Variants in FCRL6 observed in about 807,000 individuals in gnomAD.
FCRL6 encodes Fc receptor like 6, also known as Fc receptor-like protein 6.
A neutral mutation model predicts 49.1 loss-of-function variants in FCRL6; 50 were observed. That is an observed-to-expected ratio of 1.02 (90% CI 0.81 to 1.29). FCRL6 has a LOEUF of 1.29. FCRL6 is among the 50% of genes most tolerant of loss of function. The pLI is 0.00. For missense variants in FCRL6, 571 were observed against 518.5 expected (o/e 1.10, Z -0.98); for synonymous variants, 213 against 199.6 (o/e 1.07, Z -0.57).
At chr1:159,806,952 T>TC (rs1004787002) in intron 2 of FCRL6, among the ~76,000 whole-genome samples, 1 of 152,244 alleles carries the variant, frequency 6.6e-6, no homozygotes, top group African/African-American at 2.4e-5. Flanking sequence ...GGGACTCCCT[T>TC]CCTTCCTTTT....
intron 2 of FCRL6, among the ~76,000 whole-genome samples, chr1:159,807,570 G>A (rs1428766489): frequency 1.3e-5 from 2 of 152,184 alleles, no homozygotes; most frequent in South Asian, 2.1e-4. Context: ...AAGATGAAAC[G>A]CCCTGCTGAG....
At chr1:159,805,352 G>T (rs1662608563) in intron 1 of FCRL6, among the ~76,000 whole-genome samples, 1 of 148,638 alleles carries the variant, frequency 6.7e-6, no homozygotes, top group South Asian at 2.1e-4. Context: ...CCTTCCCAAG[G>T]CCATTCTTGC....
chr1:159,802,348 G>T, upstream of FCRL6: 1 of 1,586,616 alleles, frequency 6.3e-7, no homozygotes. Flanking sequence ...TCGGTCCTGA[G>T]GCCTGGTTGC....
upstream of FCRL6, among the ~76,000 whole-genome samples, chr1:159,801,935 C>T (rs896379163): frequency 3.9e-5 from 6 of 151,986 alleles, no homozygotes; most frequent in African/African-American, 1.5e-4. Flanking sequence ...TTGCAGCATC[C>T]ACACACATTT....
rs1198302024 is a variant in FCRL6, at chr1:159,802,470, A to G, written c.31+15A>G. ...GCTGCTCTTTGGTAAGTCAACGAGC[A>G]TGGGCATCCCCTCTTGGAGCACTAA... On this transcript the variant is annotated intron_variant, in intron 1 of 9. Transcript: ENST00000368106. 3 of 1,611,934 alleles carry G rather than the reference A, an allele frequency of 1.9e-6. No homozygotes were observed. The highest frequency in any genetic ancestry group is 2.5e-6 in the Non-Finnish European group (3 of 1,178,342).
chr1:159,808,156 G>C, intron 2 of FCRL6, 22 bp from the exon 3 acceptor site: 1 of 1,596,298 alleles, frequency 6.3e-7, no homozygotes, highest in Non-Finnish European at 8.6e-7. Context: ...CTCCAGGGCT[G>C]CCCTGTTCCT....
chr1:159,809,696 C>A lies in FCRL6; in HGVS notation c.886+13C>A. On this transcript the variant is annotated intron_variant, in intron 5 of 9. Coordinates refer to ENST00000368106, the MANE Select transcript of FCRL6 (RefSeq NM_001004310.3). ...CTGTCTCTGAAGGGTGTGTTTTGTT[C>A]TCCAACAGAGCTTTGAGCCCCAGCA... is the stretch of plus-strand genomic sequence containing the variant. The A allele has an allele frequency of 3.1e-6, 5 of 1,611,322 alleles. No individual in the cohort carries two copies. The highest frequency in any genetic ancestry group is 3.4e-6 in the Non-Finnish European group (4 of 1,178,716).
intron 6 of FCRL6, 100 bp downstream of exon 6, chr1:159,810,316 C>A: frequency 7.0e-7 from 1 of 1,433,366 alleles, no homozygotes. Context: ...CCACTCTCTT[C>A]TCCTGGGTGT....
chr1:159,800,620 G>A (rs1283946221), upstream of FCRL6: 5 of 1,548,682 alleles, frequency 3.2e-6, no homozygotes, highest in Non-Finnish European at 4.4e-6. Context: ...TTAGGTGAGT[G>A]GACAAGATTT....
At chr1:159,804,332 A>G (rs1302636026) in intron 1 of FCRL6, among the ~76,000 whole-genome samples, 1 of 152,162 alleles carries the variant, frequency 6.6e-6, no homozygotes, top group African/African-American at 2.4e-5. Context: ...CCTTCTTTTA[A>G]GCTTAGCCCA....
chr1:159,808,026 G>C, intron 2 of FCRL6, 152 bp from the exon 3 acceptor site: 1 of 761,072 alleles, frequency 1.3e-6, no homozygotes, highest in Non-Finnish European at 2.2e-6. Context: ...GCCCTTCTCT[G>C]GTCGGCATGA....
At chr1:159,803,261 C>T (rs921149493) in intron 1 of FCRL6, among the ~76,000 whole-genome samples, 6 of 152,204 alleles carry the variant, frequency 3.9e-5, no homozygotes, top group African/African-American at 7.2e-5. Flanking sequence ...AGTGTCACCC[C>T]CCTTATACCT....
intron 1 of FCRL6, among the ~76,000 whole-genome samples, chr1:159,805,698 C>A (rs1388435276): frequency 6.6e-6 from 1 of 152,232 alleles, no homozygotes; most frequent in African/African-American, 2.4e-5. Flanking sequence ...ATGTGGGATG[C>A]ATCCAGTTTG....
chr1:159,809,330 G>T lies in FCRL6; in HGVS notation c.605-72G>T, dbSNP rs1240467586. 3.9e-6 allele frequency: 6 copies of T among 1,527,256 alleles called. No homozygotes were observed. The African/African-American group carries it at 6.9e-5, about 18-fold the overall frequency. 94.6% of individuals were successfully genotyped at this position (1,527,256 alleles called of 1,614,324 possible). A position where few individuals can be genotyped will look rare whatever the true frequency, so the allele number is the denominator to read the frequency against. ...CCTGGGACTAAAGGAGTTGGGGGAA[G>T]GGTCCCCAGGAGAGGAGGGAGCCAG... On this transcript the variant is annotated intron_variant, in intron 4 of 9. Coordinates refer to ENST00000368106, the MANE Select transcript of FCRL6 (RefSeq NM_001004310.3).
chr1:159,806,570 A>G (rs1346366684), intron 1 of FCRL6, 26 bp from the exon 2 acceptor site: 6 of 1,609,142 alleles, frequency 3.7e-6, no homozygotes, highest in Non-Finnish European at 5.1e-6. Context: ...TACTTAACCT[A>G]ATTGTGTTAC....
intron 6 of FCRL6, among the ~76,000 whole-genome samples, chr1:159,813,270 C>T (rs969275733): frequency 1.6e-4 from 24 of 152,180 alleles, no homozygotes; most frequent in African/African-American, 5.8e-4. Flanking sequence ...GACCTTACTT[C>T]CTCCTAGTTT....
chr1:159,809,411 C>G lies in FCRL6; in HGVS notation c.614C>G (p.Ser205Cys). 6.2e-7 allele frequency: 1 copy of G among 1,603,062 alleles called. No individual in the cohort carries two copies. The highest frequency in any genetic ancestry group is 1.1e-5 in the South Asian group (1 of 89,182). The change falls in exon 5 of 10, where the codon TCC becomes TGC. Residue 205 changes from serine (S) to cysteine (C), a missense_variant. Transcript: ENST00000368106. ...CCCATGTGTGTCCCAGCTCCTGTAT[C>G]CCGTCCTGTGCTCACTCTGCACCAC... ...QLEVRVQAPV[S>C]RPVLTLHHGP...
rs139067829 is a variant in FCRL6, at chr1:159,809,437, G to C, written c.640G>C (p.Gly214Arg). 6.2e-7 allele frequency: 1 copy of C among 1,612,940 alleles called. No homozygotes were observed. ...VSRPVLTLHHGPADPAVGDMV... is the reference protein window; with the variant it reads ...VSRPVLTLHHRPADPAVGDMV... ...CCGTCCTGTGCTCACTCTGCACCAC[G>C]GGCCTGCTGACCCTGCTGTGGGGGA... is the stretch of plus-strand genomic sequence containing the variant. Residue 214 changes from glycine to arginine, a missense_variant, in exon 5 of 10, where the codon GGG becomes CGG. Transcript: ENST00000368106.
Position 159,815,637 on chromosome 1 carries a change from C to A in FCRL6, c.1281C>A (p.Ser427Arg), listed in dbSNP as rs140105569. The A allele has an allele frequency of 1.9e-6, 3 of 1,613,992 alleles. No homozygotes were observed. Among genetic ancestry groups the A allele is most frequent in the Admixed American group, 3.3e-5 (2 of 59,994 alleles). ...GCAGGACTCTCCAAGAACCCCTTAG[C>A]GACTGTGAGGAGGTTCTCTGCTAGT... ...MRSRTLQEPLSDCEEVLC is the reference protein window; with the variant it reads ...MRSRTLQEPLRDCEEVLC The change falls in exon 10 of 10, where the codon AGC becomes AGA. Residue 427 changes from serine (S) to arginine (R), a missense_variant. Coordinates refer to ENST00000368106, the MANE Select transcript of FCRL6 (RefSeq NM_001004310.3).
Sources: gnomAD v4.1 joint callset for allele counts (sites outside exome capture counted in the v4.1 genomes callset) on GRCh38, gnomAD v4.1.1 for gene constraint, MANE v1.5 for transcripts, NCBI Gene and HGNC (gene_info 2026-07-23, HGNC 2026-07-21) for gene names.